RGL1: variants seen among roughly 807,000 people sequenced by gnomAD.
The protein encoded by RGL1 is ral guanine nucleotide dissociation stimulator-like 1.
Under a neutral mutation model 95.2 loss-of-function variants are expected in RGL1, and 24 were observed. The ratio of observed to expected loss-of-function variants is 0.25; its 90% CI spans 0.18 to 0.35. The LOEUF (loss-of-function observed/expected upper bound fraction) is 0.35. RGL1 is among the 10% of genes least tolerant of loss of function. RGL1 has a pLI of 1.00. For synonymous variants in RGL1, 329 were observed against 344.9 expected (o/e 0.95, Z 0.51); for missense variants, 715 against 936.3 (o/e 0.76, Z 3.08).
At chr1:183,872,682 T>G (rs1393399804) in intron 4 of RGL1, among the ~76,000 whole-genome samples, 2 of 152,208 alleles carry the variant, frequency 1.3e-5, no homozygotes, top group Non-Finnish European at 2.9e-5. Context: ...GGAAAGGAGT[T>G]AAAGGAAGTT....
Position 183,926,563 on chromosome 1 carries a change from C to A in RGL1, c.*271C>A. 2 of 237,820 alleles carry A rather than the reference C, an allele frequency of 8.4e-6. No homozygotes were observed. The highest frequency in any genetic ancestry group is 1.6e-5 in the Non-Finnish European group (2 of 122,010). The allele number at this position is 237,820 out of a possible 1,614,324, so 14.7% of individuals were successfully genotyped here. A position where few individuals can be genotyped will look rare whatever the true frequency, so the allele number is the denominator to read the frequency against. On this transcript the variant is annotated 3_prime_UTR_variant, in exon 18 of 18. Transcript: ENST00000360851. ...CCAACATTTAAAACATATATATGCA[C>A]ATGTATTTGGTATGCATGTGTATCT... is the stretch of plus-strand genomic sequence containing the variant.
At chr1:183,777,694 T>G (rs554467307) in intron 2 of RGL1, among the ~76,000 whole-genome samples, 1 of 152,366 alleles carries the variant, frequency 6.6e-6, no homozygotes, top group Admixed American at 6.5e-5. Context: ...AATTCCCAAC[T>G]GTTGCTCTAT....
intron 9 of RGL1, 22 bp downstream of exon 9, chr1:183,892,183 C>T (rs1558276606): frequency 1.3e-6 from 2 of 1,503,060 alleles, no homozygotes; most frequent in South Asian, 2.3e-5. Context: ...AGTGAGGCTG[C>T]TGTGTAGTGC....
chr1:183,835,745 G>A (rs1384392198), intron 2 of RGL1, among the ~76,000 whole-genome samples: 1 of 152,210 alleles, frequency 6.6e-6, no homozygotes, highest in Non-Finnish European at 1.5e-5. Context: ...AGTAGTTGGT[G>A]TAGGGGAAAG....
chr1:183,753,957 T>C (rs1227382674), intron 2 of RGL1, among the ~76,000 whole-genome samples: 1 of 151,714 alleles, frequency 6.6e-6, no homozygotes, highest in Admixed American at 6.6e-5. Context: ...TGGGTTCATT[T>C]TTTTTTTTTC....
chr1:183,713,334 A>C (rs1254596775), intron 1 of RGL1, among the ~76,000 whole-genome samples: 1 of 147,708 alleles, frequency 6.8e-6, no homozygotes, highest in Non-Finnish European at 1.5e-5. Flanking sequence ...GGAGGATTTT[A>C]AAAGGAGTTG....
intron 2 of RGL1, among the ~76,000 whole-genome samples, chr1:183,791,973 C>T (rs1660461039): frequency 6.6e-6 from 1 of 152,106 alleles, no homozygotes; most frequent in Admixed American, 6.5e-5. Context: ...TATGTATGTA[C>T]TAACTTAGAA....
intron 1 of RGL1, among the ~76,000 whole-genome samples, chr1:183,715,999 T>C (rs1655603565): frequency 2.0e-5 from 3 of 152,158 alleles, no homozygotes; most frequent in Non-Finnish European, 1.5e-5. Flanking sequence ...TCAAAGACAA[T>C]GAATGAATTG....
At chr1:183,911,224 G>C (rs1201029408) in intron 14 of RGL1, among the ~76,000 whole-genome samples, 1 of 152,040 alleles carries the variant, frequency 6.6e-6, no homozygotes, top group Non-Finnish European at 1.5e-5. Flanking sequence ...ATTGGAGTGA[G>C]GCACAGACCC....
chr1:183,885,047 A>T lies in RGL1; in HGVS notation c.951+109A>T, dbSNP rs892509946. On this transcript the variant is annotated intron_variant, in intron 7 of 17. Coordinates refer to ENST00000360851, the MANE Select transcript of RGL1 (RefSeq NM_001297671.3). The stretch of plus-strand genomic sequence containing the variant: ...TGGTTGAAAAGGCAGTCAAAAGACC[A>T]TATATGAGAGCCCACTGGGTTTTTG... 6.6e-6 allele frequency: 6 copies of T among 903,294 alleles called. No homozygotes were observed. In the Admixed American group the frequency reaches 1.7e-4, roughly 26 times the overall value. The allele number at this position is 903,294 out of a possible 1,614,324, so 56.0% of individuals were successfully genotyped here. A position where few individuals can be genotyped will look rare whatever the true frequency, so the allele number is the denominator to read the frequency against.
intron 4 of RGL1, among the ~76,000 whole-genome samples, chr1:183,867,707 A>T (rs1665922761): frequency 6.6e-6 from 1 of 151,616 alleles, no homozygotes; most frequent in Admixed American, 6.6e-5. Context: ...AACATCCATG[A>T]TGCGGGGGTG....
chr1:183,707,320 A>T (rs1241360015), intron 1 of RGL1, among the ~76,000 whole-genome samples: 2 of 152,202 alleles, frequency 1.3e-5, no homozygotes, highest in Non-Finnish European at 2.9e-5. Context: ...TGGGTGAGGT[A>T]CTGAAACTCT....
At chr1:183,694,185 G>T (rs1477569846) in intron 1 of RGL1, among the ~76,000 whole-genome samples, 1 of 152,212 alleles carries the variant, frequency 6.6e-6, no homozygotes, top group Non-Finnish European at 1.5e-5. Flanking sequence ...GAAGGGAAAG[G>T]TTAACTTTTA....
At chr1:183,904,654 G>A (rs1668210357) in intron 12 of RGL1, among the ~76,000 whole-genome samples, 196 bp from the exon 13 acceptor site, 1 of 152,088 alleles carries the variant, frequency 6.6e-6, no homozygotes, top group African/African-American at 2.4e-5. Flanking sequence ...CAAGGACTTT[G>A]GAGAGTTCTA....
chr1:183,910,102 C>T (rs1668558610), intron 14 of RGL1, among the ~76,000 whole-genome samples: 1 of 151,970 alleles, frequency 6.6e-6, no homozygotes, highest in Non-Finnish European at 1.5e-5. Context: ...TCCTTCCTTC[C>T]TTCCTCACTC....
At chr1:183,869,639 C>G (rs1666045389) in intron 4 of RGL1, among the ~76,000 whole-genome samples, 1 of 152,122 alleles carries the variant, frequency 6.6e-6, no homozygotes. Context: ...TTCCCCACAT[C>G]TTTTATTGTT....
chr1:183,769,433 C>G (rs1659164577), intron 2 of RGL1, among the ~76,000 whole-genome samples: 1 of 152,158 alleles, frequency 6.6e-6, no homozygotes, highest in Non-Finnish European at 1.5e-5. Flanking sequence ...TTTATCTTAC[C>G]AATAATTTTA....
intron 2 of RGL1, among the ~76,000 whole-genome samples, chr1:183,829,704 C>T (rs1663128183): frequency 6.6e-6 from 1 of 152,146 alleles, no homozygotes; most frequent in Admixed American, 6.5e-5. Context: ...CACCACTCTC[C>T]CTTGGTTCAC....
chr1:183,798,080 C>T (rs1393624479), intron 2 of RGL1, among the ~76,000 whole-genome samples: 2 of 152,126 alleles, frequency 1.3e-5, no homozygotes. Flanking sequence ...CATTAGTCTG[C>T]TTAGGTAGTG....
Sources: gnomAD v4.1 joint callset for allele counts (sites outside exome capture counted in the v4.1 genomes callset) on GRCh38, gnomAD v4.1.1 for gene constraint, MANE v1.5 for transcripts, NCBI Gene and HGNC (gene_info 2026-07-23, HGNC 2026-07-21) for gene names.